PTPRN2: variants seen among roughly 807,000 people sequenced by gnomAD.
PTPRN2 encodes protein tyrosine phosphatase receptor type N2.
In PTPRN2, 74 loss-of-function variants were observed where a neutral mutation model predicts 118.8. The ratio of observed to expected loss-of-function variants is 0.62; its 90% CI spans 0.52 to 0.76. PTPRN2 has a LOEUF of 0.76. Among genes scored for constraint, PTPRN2 ranks in the 30% least tolerant of loss-of-function variants. PTPRN2 has a pLI of 0.00. For synonymous variants in PTPRN2, 641 were observed against 608.0 expected (o/e 1.05, Z -0.80); for missense variants, 1,481 against 1,394.4 (o/e 1.06, Z -0.99).
rs1367141477 is a variant in PTPRN2, at chr7:158,126,636, C to T, written c.1556+7041G>A. 4.3e-5 allele frequency among the ~76,000 whole-genome samples: 5 copies of T among 116,746 alleles called. No homozygotes were observed. In the East Asian group the frequency reaches 1.2e-3, roughly 28 times the overall value. 76.6% of individuals were successfully genotyped at this position (116,746 alleles called of 152,430 possible). ...ACACCAGCCCCCGGAGAGCGGGCGG[C>T]GGAACTTCCTCTCCACCACACCAGC... On this transcript the variant is annotated intron_variant, in intron 9 of 22. Transcript: ENST00000389418.
chr7:157,621,434 C>G lies in PTPRN2; in HGVS notation c.2272G>C (p.Glu758Gln). The change falls in exon 15 of 23, where the codon GAG (glutamate) becomes CAG (glutamine). Residue 758 changes from glutamate to glutamine, a missense_variant. Physicochemically the swap from Glu to Gln is conservative, Grantham distance 29 (BLOSUM62 2). Around this residue, in one of 3 missense-constraint regions of PTPRN2, gnomAD observed 362 missense variants for 384.1 expected, o/e 0.94. Coordinates refer to ENST00000389418, the MANE Select transcript of PTPRN2 (RefSeq NM_002847.5). ...TGGGCCACGAACGAGCTGTTGGGCT[C>G]CGCCTGGTAGGCGCACAGCGCTTCC... ...EWEALCAYQA[E>Q]PNSSFVAQRE... The G allele has an allele frequency of 6.2e-7, 1 of 1,614,116 alleles. No individual in the cohort carries two copies. The highest frequency in any genetic ancestry group is 8.5e-7 in the Non-Finnish European group (1 of 1,180,042).
At chr7:158,319,416 TCCCACACACA>T (rs1563131089) in intron 2 of PTPRN2, among the ~76,000 whole-genome samples, 9 of 66,228 alleles carry the variant, frequency 1.4e-4, no homozygotes, top group African/African-American at 3.6e-4. Flanking sequence ...ACACACAGCC[TCCCACACACA>T]CACACACACA....
chr7:158,252,498 A>C (rs1195986679), intron 3 of PTPRN2, among the ~76,000 whole-genome samples: 1 of 152,098 alleles, frequency 6.6e-6, no homozygotes, highest in Admixed American at 6.6e-5. Flanking sequence ...GATAGCCCGG[A>C]GCCCTATCCC....
At chr7:157,969,544 G>T (rs1162785773) in intron 11 of PTPRN2, among the ~76,000 whole-genome samples, 2 of 152,108 alleles carry the variant, frequency 1.3e-5, no homozygotes, top group East Asian at 3.9e-4. Flanking sequence ...GTGCTGCCTG[G>T]GTTTCATCAG....
chr7:157,718,903 T>G (rs1242356912), intron 12 of PTPRN2, among the ~76,000 whole-genome samples: 1 of 152,112 alleles, frequency 6.6e-6, no homozygotes, highest in African/African-American at 2.4e-5. Context: ...CCTCTCCGCC[T>G]CCTGCAGGTG....
intron 2 of PTPRN2, among the ~76,000 whole-genome samples, chr7:158,400,644 C>A (rs1016932555): frequency 6.6e-6 from 1 of 152,162 alleles, no homozygotes; most frequent in Middle Eastern, 3.2e-3. Context: ...CTGGGAGTTG[C>A]CCTCTTGCAG....
chr7:157,845,569 G>C lies in PTPRN2; in HGVS notation c.1788+53104C>G, dbSNP rs1315101554. ...TGCAGCCTAACTCACCACGTTCCCG[G>C]CCACACAGGGCCAAGAACAGCCCAG... On this transcript the variant is annotated intron_variant, in intron 12 of 22. Coordinates refer to ENST00000389418, the MANE Select transcript of PTPRN2 (RefSeq NM_002847.5). The surrounding 1 kb of genome is among the most constrained non-coding windows in gnomAD (Gnocchi z 4.5). 1.3e-5 allele frequency among the ~76,000 whole-genome samples: 2 copies of C among 152,220 alleles called. No homozygotes were observed. The highest frequency in any genetic ancestry group is 2.9e-5 in the Non-Finnish European group (2 of 68,034).
intron 21 of PTPRN2, among the ~76,000 whole-genome samples, chr7:157,559,513 G>C (rs537657358): frequency 6.6e-6 from 1 of 152,298 alleles, no homozygotes; most frequent in African/African-American, 2.4e-5. Context: ...CACAGACTGT[G>C]TGGGGAGGGC....
intron 2 of PTPRN2, among the ~76,000 whole-genome samples, chr7:158,369,018 C>T (rs1389514869): frequency 1.3e-5 from 2 of 152,080 alleles, no homozygotes; most frequent in African/African-American, 4.8e-5. Context: ...TCTGGGTGGG[C>T]ACCATCTAAT....
At chr7:158,042,756 C>A (rs1051328331) in intron 11 of PTPRN2, among the ~76,000 whole-genome samples, 7 of 152,118 alleles carry the variant, frequency 4.6e-5, no homozygotes, top group South Asian at 2.1e-4. Context: ...TGTCTCAGGG[C>A]CAGGGTGACG....
intron 3 of PTPRN2, among the ~76,000 whole-genome samples, chr7:158,302,534 C>T (rs1010691645): frequency 6.6e-6 from 1 of 152,260 alleles, no homozygotes; most frequent in Non-Finnish European, 1.5e-5. Flanking sequence ...CCCCCAGTCA[C>T]CGACTGCATG....
intron 17 of PTPRN2, among the ~76,000 whole-genome samples, chr7:157,582,547 C>A (rs1050469267): frequency 6.6e-6 from 1 of 152,006 alleles, no homozygotes; most frequent in African/African-American, 2.4e-5. Context: ...ACACACTATA[C>A]GGTAGCAATG....
intron 3 of PTPRN2, among the ~76,000 whole-genome samples, chr7:158,283,915 C>T (rs1047632629): frequency 6.6e-6 from 1 of 152,228 alleles, no homozygotes; most frequent in Non-Finnish European, 1.5e-5. Flanking sequence ...AACCCAAAGG[C>T]AGCCAGCGTA....
chr7:158,559,796 A>C (rs1827265801), intron 1 of PTPRN2, among the ~76,000 whole-genome samples: 1 of 152,224 alleles, frequency 6.6e-6, no homozygotes, highest in Admixed American at 6.5e-5. Flanking sequence ...AGGTCATCTG[A>C]GAGGTGAGGC....
At chr7:158,506,247 C>T (rs1822738322) in intron 1 of PTPRN2, among the ~76,000 whole-genome samples, 1 of 152,194 alleles carries the variant, frequency 6.6e-6, no homozygotes, top group Non-Finnish European at 1.5e-5. Flanking sequence ...GAGACACACA[C>T]AAGGAAGTCC....
At chr7:157,575,736 T>C (rs975395744) in intron 19 of PTPRN2, among the ~76,000 whole-genome samples, 4 of 152,242 alleles carry the variant, frequency 2.6e-5, no homozygotes, top group African/African-American at 7.2e-5. Context: ...CAAGTCACTT[T>C]ATGATAGTGG....
intron 5 of PTPRN2, among the ~76,000 whole-genome samples, chr7:158,181,246 A>C (rs1824679963): frequency 6.6e-6 from 1 of 152,074 alleles, no homozygotes; most frequent in Non-Finnish European, 1.5e-5. Flanking sequence ...ACATTTACTG[A>C]CTTGCATGTG....
chr7:158,388,340 T>C (rs781697322), intron 2 of PTPRN2, among the ~76,000 whole-genome samples: 20 of 152,178 alleles, frequency 1.3e-4, no homozygotes, highest in Admixed American at 3.3e-4. Flanking sequence ...TGAGGGCCAG[T>C]GCAGATGGAC....
Position 157,588,010 on chromosome 7 carries a change from C to CGGTGGCTGTCCCCGTGCCTGGGCTCCCGT in PTPRN2, c.2496+7199_2496+7227dup, listed in dbSNP as rs1563237235. On this transcript the variant is annotated intron_variant, in intron 17 of 22. Transcript: ENST00000389418. ...GGCTGTCCCCGTGCCTGGGCTCCCG[C>CGGTGGCTGTCCCCGTGCCTGGGCTCCCGT]GGTGGCTGTCCCCGTGCCTGGGCTC... is the stretch of plus-strand genomic sequence containing the variant. Among the ~76,000 whole-genome samples, 7 of 149,194 alleles carry CGGTGGCTGTCCCCGTGCCTGGGCTCCCGT rather than the reference C, an allele frequency of 4.7e-5. 2 individuals carry two copies. The highest frequency in any genetic ancestry group is 4.3e-4 in the South Asian group (2 of 4,670).
Sources: allele counts gnomAD v4.1 joint callset (sites outside exome capture counted in the v4.1 genomes callset), GRCh38; gene constraint gnomAD v4.1.1; regional missense constraint gnomAD v4.1.1; non-coding constraint Gnocchi (gnomAD v3.1); transcripts MANE v1.5; gene names NCBI Gene and HGNC (gene_info 2026-07-23, HGNC 2026-07-21).